The following ENTPD4 variants were observed in gnomAD, a reference collection of about 807,000 sequenced individuals.
ENTPD4 encodes Golgi UDPase.
ENTPD4 carries 60 observed loss-of-function variants against 79.1 expected under a neutral mutation model. That is an observed-to-expected ratio of 0.76 (90% CI 0.62 to 0.94). ENTPD4 has a LOEUF of 0.94. ENTPD4 is among the 40% of genes least tolerant of loss of function. The pLI, the probability that ENTPD4 is intolerant of heterozygous loss-of-function variation, is 0.00. For synonymous variants in ENTPD4, 276 were observed against 292.0 expected (o/e 0.95, Z 0.56); for missense variants, 772 against 775.1 (o/e 1.00, Z 0.05).
Position 23,431,712 on chromosome 8 carries a change from T to C in ENTPD4, c.*1214A>G. The C allele has an allele frequency of 1.3e-5, 13 of 985,434 alleles. No homozygotes were observed. The highest frequency in any genetic ancestry group is 1.6e-5 in the Non-Finnish European group (13 of 830,036). 61.0% of individuals were successfully genotyped at this position (985,434 alleles called of 1,614,324 possible). A position where few individuals can be genotyped will look rare whatever the true frequency, so the allele number is the denominator to read the frequency against. On this transcript the variant is annotated 3_prime_UTR_variant, in exon 13 of 13. Transcript: ENST00000358689. Reference sequence around the variant, plus strand: ...TTAAGGGGGGTGGGGGAAACACCAATTGGAAGCTGGAAGAAACTGAGGCAC... The same window carrying C: ...TTAAGGGGGGTGGGGGAAACACCAACTGGAAGCTGGAAGAAACTGAGGCAC...
In ENTPD4 at chr8:23,441,861, T is replaced by C. The variant is rs1398751998; in HGVS notation, c.728-138A>G. The C allele has an allele frequency of 2.8e-5, 32 of 1,147,290 alleles. No individual in the cohort carries two copies. In the Admixed American group the frequency reaches 5.9e-4, roughly 21 times the overall value. 71.1% of individuals were successfully genotyped at this position (1,147,290 alleles called of 1,614,324 possible). A position where few individuals can be genotyped will look rare whatever the true frequency, so the allele number is the denominator to read the frequency against. On this transcript the variant is annotated intron_variant, in intron 7 of 12. Transcript: ENST00000358689. The stretch of plus-strand genomic sequence containing the variant: ...TCTACTCCTCCCAACTAAAATCAAG[T>C]TGAATTACGTTCAACTGCAGCTGCT...
At chr8:23,441,451 G>A in intron 8 of ENTPD4, 118 bp downstream of exon 8, 1 of 1,504,912 alleles carries the variant, frequency 6.6e-7, no homozygotes, top group Non-Finnish European at 8.9e-7. Context: ...GGGTTGAGAG[G>A]CGGCACCTCA....
rs958167915 is a variant in ENTPD4, at chr8:23,432,630, C to G, written c.*296G>C. 1 of 653,764 alleles carries G rather than the reference C, an allele frequency of 1.5e-6. No homozygotes were observed. Among genetic ancestry groups the G allele is most frequent in the African/African-American group, 1.9e-5 (1 of 51,370 alleles). The allele number at this position is 653,764 out of a possible 1,614,324, so 40.5% of individuals were successfully genotyped here. ...TCTCCTGCCTCAGCCTCCTGAGTAG[C>G]TGGGACTACGGGCGCCCGCCACCAC... On this transcript the variant is annotated 3_prime_UTR_variant, in exon 13 of 13. Coordinates refer to ENST00000358689, the MANE Select transcript of ENTPD4 (RefSeq NM_004901.5).
chr8:23,433,069 A>C lies in ENTPD4; in HGVS notation c.1708T>G (p.Cys570Gly), dbSNP rs749783482. The change falls in exon 13 of 13, where the codon TGC becomes GGC. Residue 570 changes from cysteine to glycine, a missense_variant. Transcript: ENST00000358689. The part of the protein sequence containing the change: ...FVYNHYLFSG[C>G]FLVVLLAILL... ...ATGGCCAGCAGCACCACCAGGAAGC[A>C]GCCAGAGAACAGGTAGTGGTTGTAG... 1 of 1,614,200 alleles carries C rather than the reference A, an allele frequency of 6.2e-7. No individual in the cohort carries two copies. The highest frequency in any genetic ancestry group is 1.3e-5 in the African/African-American group (1 of 75,062).
chr8:23,432,032 T>C lies in ENTPD4; in HGVS notation c.*894A>G, dbSNP rs775048982. ...GATTTTTCACACACTCGCACAAAGC[T>C]GTAGTCGATAGTTCACTATCACTTT... On this transcript the variant is annotated 3_prime_UTR_variant, in exon 13 of 13. Coordinates refer to ENST00000358689, the MANE Select transcript of ENTPD4 (RefSeq NM_004901.5). The C allele has an allele frequency of 5.1e-5, 50 of 985,312 alleles. No individual in the cohort carries two copies. The highest frequency in any genetic ancestry group is 5.8e-5 in the Non-Finnish European group (48 of 829,944). 61.0% of individuals were successfully genotyped at this position (985,312 alleles called of 1,614,324 possible).
At chr8:23,437,305 G>C in intron 9 of ENTPD4, 47 bp from the exon 10 acceptor site, 2 of 1,453,424 alleles carry the variant, frequency 1.4e-6, no homozygotes, top group Non-Finnish European at 1.9e-6. Flanking sequence ...AGAAAACTGT[G>C]TTTTCAGGAA....
In ENTPD4 at chr8:23,432,392, T is replaced by C; in HGVS notation, c.*534A>G. The C allele has an allele frequency of 1.0e-6, 1 of 985,788 alleles. No individual in the cohort carries two copies. The highest frequency in any genetic ancestry group is 1.2e-6 in the Non-Finnish European group (1 of 830,236). 61.1% of individuals were successfully genotyped at this position (985,788 alleles called of 1,614,324 possible). A position where few individuals can be genotyped will look rare whatever the true frequency, so the allele number is the denominator to read the frequency against. On this transcript the variant is annotated 3_prime_UTR_variant, in exon 13 of 13. Coordinates refer to ENST00000358689, the MANE Select transcript of ENTPD4 (RefSeq NM_004901.5). ...AAATCTCATTTATTTTTGGCAGATA[T>C]CCTGTGCAGCAAAAATCAAGTGAAT...
rs1800431594 is a variant in ENTPD4, at chr8:23,430,240, G to C, written c.*2686C>G. ...CTGCGACTGCAGACATCTCCATACGGCATAATGAACTCCCTTGAGTGGTCT... is the reference window on the plus strand; with the variant it reads ...CTGCGACTGCAGACATCTCCATACGCCATAATGAACTCCCTTGAGTGGTCT... On this transcript the variant is annotated 3_prime_UTR_variant, in exon 13 of 13. Transcript: ENST00000358689. The C allele has an allele frequency of 2.0e-6, 2 of 985,440 alleles. No homozygotes were observed. Among genetic ancestry groups the C allele is most frequent in the Non-Finnish European group, 2.4e-6 (2 of 829,942 alleles). 61.0% of individuals were successfully genotyped at this position (985,440 alleles called of 1,614,324 possible).
Position 23,448,925 on chromosome 8 carries a change from C to T in ENTPD4, c.23G>A (p.Cys8Tyr), listed in dbSNP as rs1183657980. The change falls in exon 3 of 13, where the codon TGT becomes TAT. Residue 8 changes from cysteine (C) to tyrosine (Y), a missense_variant. Coordinates refer to ENST00000358689, the MANE Select transcript of ENTPD4 (RefSeq NM_004901.5). Reference protein sequence around the residue: MGRIGISCLFPASWHFSI... With the variant: MGRIGISYLFPASWHFSI... Reference sequence around the variant, plus strand: ...AAAATGCCAAGAAGCAGGAAAAAGACAGGAGATGCCAATCCTGAAATTAGA... The same window carrying T: ...AAAATGCCAAGAAGCAGGAAAAAGATAGGAGATGCCAATCCTGAAATTAGA... The T allele has an allele frequency of 1.2e-6, 2 of 1,613,328 alleles. No individual in the cohort carries two copies. The highest frequency in any genetic ancestry group is 4.5e-5 in the East Asian group (2 of 44,860).
intron 1 of ENTPD4, 30 bp from the exon 2 acceptor site, chr8:23,450,027 G>C: frequency 2.6e-6 from 3 of 1,145,968 alleles, no homozygotes; most frequent in Non-Finnish European, 3.9e-6. Flanking sequence ...AAATCACAAA[G>C]ATAGCATCAT....
chr8:23,432,779 T>A lies in ENTPD4; in HGVS notation c.*147A>T. 7.0e-7 allele frequency: 1 copy of A among 1,431,604 alleles called. No homozygotes were observed. Among genetic ancestry groups the A allele is most frequent in the Non-Finnish European group, 9.1e-7 (1 of 1,096,600 alleles). 88.7% of individuals were successfully genotyped at this position (1,431,604 alleles called of 1,614,324 possible). A position where few individuals can be genotyped will look rare whatever the true frequency, so the allele number is the denominator to read the frequency against. On this transcript the variant is annotated 3_prime_UTR_variant, in exon 13 of 13. Coordinates refer to ENST00000358689, the MANE Select transcript of ENTPD4 (RefSeq NM_004901.5). ...TCCCAAAGTGCTGGGATTACAGGCG[T>A]GAGCCACCGCGCTCGGCCTGCATTT... is the stretch of plus-strand genomic sequence containing the variant.
chr8:23,439,883 A>G lies in ENTPD4; in HGVS notation c.915T>C (p.Phe305=). The part of the protein sequence containing the change: ...EEVAKNLLAE[F]NLGCDVHQTE... ...TTTGGTGAACATCACATCCCAAGTT[A>G]AATTCAGCTAACAAGTTTTTAGCTA... is the stretch of plus-strand genomic sequence containing the variant. The change falls in exon 9 of 13, where the codon TTT becomes TTC. Residue 305 remains phenylalanine, a synonymous_variant. Transcript: ENST00000358689. 1 of 1,614,116 alleles carries G rather than the reference A, an allele frequency of 6.2e-7. No homozygotes were observed. The highest frequency in any genetic ancestry group is 8.5e-7 in the Non-Finnish European group (1 of 1,179,948).
rs932587968 is a variant in ENTPD4, at chr8:23,430,483, T to C, written c.*2443A>G. The C allele has an allele frequency of 8.1e-6, 8 of 985,354 alleles. No homozygotes were observed. The African/African-American group carries it at 1.0e-4, about 13-fold the overall frequency. 61.0% of individuals were successfully genotyped at this position (985,354 alleles called of 1,614,324 possible). On this transcript the variant is annotated 3_prime_UTR_variant, in exon 13 of 13. Coordinates refer to ENST00000358689, the MANE Select transcript of ENTPD4 (RefSeq NM_004901.5). ...CTTCTGTCTGTATCCTTTTTTGAAC[T>C]GCATTGTTCTCACAAGGACCAGCAA...
chr8:23,453,595 A>C (rs1471749853), intron 1 of ENTPD4, among the ~76,000 whole-genome samples: 1 of 152,246 alleles, frequency 6.6e-6, no homozygotes, highest in African/African-American at 2.4e-5. Flanking sequence ...ATAGAAATAA[A>C]AACAGCTATC....
At chr8:23,450,353 T>C (rs1420070622) in intron 1 of ENTPD4, among the ~76,000 whole-genome samples, 1 of 152,182 alleles carries the variant, frequency 6.6e-6, no homozygotes, top group African/African-American at 2.4e-5. Flanking sequence ...ACCTGAAATA[T>C]CCATTCACTT....
chr8:23,447,626 C>G, intron 4 of ENTPD4, 54 bp downstream of exon 4: 5 of 1,405,536 alleles, frequency 3.6e-6, no homozygotes. Context: ...AAAGACGCCA[C>G]AGAGAATGAA....
rs747488199 is a variant in ENTPD4, at chr8:23,442,070, T to C, written c.668-4A>G. ...ATGCCAATCCAAGCATACACACCTATAGACATTTTACAGGGTGAAGAGAAG... is the reference window on the plus strand; with the variant it reads ...ATGCCAATCCAAGCATACACACCTACAGACATTTTACAGGGTGAAGAGAAG... On this transcript the variant is annotated splice_polypyrimidine_tract_variant and splice_region_variant and intron_variant, in intron 6 of 12. Coordinates refer to ENST00000358689, the MANE Select transcript of ENTPD4 (RefSeq NM_004901.5). 31 of 1,610,646 alleles carry C rather than the reference T, an allele frequency of 1.9e-5. No homozygotes were observed. In the African/African-American group the frequency reaches 2.8e-4, roughly 15 times the overall value.
chr8:23,429,216 A>G lies in ENTPD4; in HGVS notation c.*3710T>C. 1.0e-6 allele frequency: 1 copy of G among 985,206 alleles called. No individual in the cohort carries two copies. The highest frequency in any genetic ancestry group is 4.7e-5 in the South Asian group (1 of 21,278). 61.0% of individuals were successfully genotyped at this position (985,206 alleles called of 1,614,324 possible). On this transcript the variant is annotated 3_prime_UTR_variant, in exon 13 of 13. Coordinates refer to ENST00000358689, the MANE Select transcript of ENTPD4 (RefSeq NM_004901.5). ...TTTCAGTACCCAAGTGTGGCACTGT[A>G]AGGCTGCCACATACAGCAAGTGACA... is the stretch of plus-strand genomic sequence containing the variant.
At chr8:23,446,112 G>T (rs3808529) in intron 4 of ENTPD4, among the ~76,000 whole-genome samples, 1 of 152,206 alleles carries the variant, frequency 6.6e-6, no homozygotes, top group African/African-American at 2.4e-5. Context: ...TGTTATACAC[G>T]GAAGTCCATG....
Sources: gnomAD v4.1 joint callset for allele counts (sites outside exome capture counted in the v4.1 genomes callset) on GRCh38, gnomAD v4.1.1 for gene constraint, MANE v1.5 for transcripts, NCBI Gene and HGNC (gene_info 2026-07-23, HGNC 2026-07-21) for gene names.